Variants in FANCC observed in about 807,000 individuals in gnomAD.
FANCC encodes FA complementation group C.
Under a neutral mutation model 71.3 loss-of-function variants are expected in FANCC, and 55 were observed. That is an observed-to-expected ratio of 0.77 (90% CI 0.62 to 0.97). The LOEUF is 0.97. Ranked by LOEUF, FANCC falls within the 50% of genes least tolerant of loss-of-function variation. The pLI is 0.00. For synonymous variants in FANCC, 275 were observed against 244.9 expected (o/e 1.12, Z -1.15); for missense variants, 678 against 670.9 (o/e 1.01, Z -0.12).
At chr9:95,205,238 T>C (rs927289132) in intron 4 of FANCC, among the ~76,000 whole-genome samples, 3 of 152,106 alleles carry the variant, frequency 2.0e-5, no homozygotes, top group Non-Finnish European at 2.9e-5. Context: ...AATCAGCTTA[T>C]GTAAAAAAAG....
At chr9:95,125,275 C>CT (rs35978415) in intron 9 of FANCC, 90 bp from the exon 10 acceptor site, 8 of 1,022,888 alleles carry the variant, frequency 7.8e-6, no homozygotes, top group African/African-American at 1.6e-5. Context: ...AGTAGAAACA[C>CT]TTTTTTTGTG....
intron 4 of FANCC, among the ~76,000 whole-genome samples, chr9:95,239,365 G>A (rs1830506516): frequency 6.6e-6 from 1 of 152,070 alleles, no homozygotes; most frequent in Non-Finnish European, 1.5e-5. Flanking sequence ...TATTAAACAA[G>A]AAAAACAATA....
chr9:95,199,527 C>A (rs1564745806), intron 4 of FANCC, among the ~76,000 whole-genome samples: 1 of 152,216 alleles, frequency 6.6e-6, no homozygotes, highest in Non-Finnish European at 1.5e-5. Context: ...CACCCTTCTC[C>A]CAGGGCGTGG....
intron 1 of FANCC, among the ~76,000 whole-genome samples, chr9:95,314,454 C>A (rs547880313): frequency 2.0e-4 from 31 of 152,194 alleles, no homozygotes; most frequent in Non-Finnish European, 4.3e-4. Flanking sequence ...GAGTTTGAGA[C>A]CAGCCTGACC....
intron 8 of FANCC, among the ~76,000 whole-genome samples, chr9:95,132,554 T>C (rs556286378): frequency 1.3e-5 from 2 of 152,334 alleles, no homozygotes; most frequent in Admixed American, 1.3e-4. Flanking sequence ...CTAGGGCTAA[T>C]ACCTCACTTG....
intron 10 of FANCC, among the ~76,000 whole-genome samples, chr9:95,120,194 T>C (rs981550007): frequency 6.6e-6 from 1 of 152,240 alleles, no homozygotes; most frequent in African/African-American, 2.4e-5. Context: ...GTTGTGTGCT[T>C]TACAAGGTAA....
At chr9:95,230,982 G>A (rs1027820937) in intron 4 of FANCC, among the ~76,000 whole-genome samples, 1 of 152,120 alleles carries the variant, frequency 6.6e-6, no homozygotes, top group African/African-American at 2.4e-5. Flanking sequence ...ACAGAGCACC[G>A]ACTGGTGCGT....
intron 3 of FANCC, among the ~76,000 whole-genome samples, chr9:95,241,960 A>C (rs1830660107): frequency 6.6e-6 from 1 of 152,174 alleles, no homozygotes; most frequent in African/African-American, 2.4e-5. Context: ...GTGCCTGGCC[A>C]AAACCCAGCA....
chr9:95,300,984 C>A (rs990320965), intron 1 of FANCC, among the ~76,000 whole-genome samples: 2 of 152,018 alleles, frequency 1.3e-5, no homozygotes, highest in Non-Finnish European at 1.5e-5. Flanking sequence ...ACAAATACAG[C>A]ATGAGAGTGG....
At chr9:95,203,357 T>A (rs1588275063) in intron 4 of FANCC, among the ~76,000 whole-genome samples, 2 of 110,502 alleles carry the variant, frequency 1.8e-5, no homozygotes, top group Admixed American at 1.3e-4. Context: ...CGTGGCTGGG[T>A]GACAGAACAA....
intron 7 of FANCC, among the ~76,000 whole-genome samples, chr9:95,143,428 C>T (rs1016492031): frequency 2.6e-5 from 4 of 152,062 alleles, no homozygotes; most frequent in African/African-American, 4.8e-5. Context: ...GCCCCCATCC[C>T]GAGGCTATCT....
At chr9:95,182,948 T>A (rs1235191783) in intron 4 of FANCC, among the ~76,000 whole-genome samples, 4 of 151,962 alleles carry the variant, frequency 2.6e-5, no homozygotes. Context: ...TGTCACCCCC[T>A]AAGGCTCCCG....
chr9:95,225,403 A>G (rs1440804070), intron 4 of FANCC, among the ~76,000 whole-genome samples: 1 of 152,234 alleles, frequency 6.6e-6, no homozygotes, highest in Non-Finnish European at 1.5e-5. Flanking sequence ...TGGAACATAG[A>G]GACCTAAAAA....
In FANCC at chr9:95,206,823, T is replaced by G. The variant is rs1828152506; in HGVS notation, c.345+33826A>C. 2.0e-5 allele frequency among the ~76,000 whole-genome samples: 3 copies of G among 152,336 alleles called. No homozygotes were observed. The East Asian group carries it at 5.8e-4, about 29-fold the overall frequency. ...CTGTTTACCCCTAAACTTTTTTTTG[T>G]AACAAAAATTTGCTTTCCATTCTAA... On this transcript the variant is annotated intron_variant, in intron 4 of 14. Transcript: ENST00000289081.
rs200515307 is a variant in FANCC at position 95,107,053 on chromosome 9, C to T, written c.1533+13G>A. ...AAATGAGTACTAGGATGCTGGACCA[C>T]AGGGAGACTTACCAGGGTGATGACA... On this transcript the variant is annotated intron_variant, in intron 14 of 14. Transcript: ENST00000289081. The T allele has an allele frequency of 9.5e-5, 153 of 1,613,932 alleles. No individual in the cohort carries two copies. The highest frequency in any genetic ancestry group is 1.2e-4 in the Non-Finnish European group (147 of 1,179,920).
chr9:95,241,949 C>T (rs4647433), intron 3 of FANCC, among the ~76,000 whole-genome samples: 3,383 of 152,204 alleles, frequency 0.022, 132 homozygotes, highest in African/African-American at 0.077. Flanking sequence ...CATGAGCCAC[C>T]GTGCCTGGCC....
chr9:95,307,349 A>C lies in FANCC; in HGVS notation c.-79+10177T>G, dbSNP rs945957394. Among the ~76,000 whole-genome samples, 40 of 152,352 alleles carry C rather than the reference A, an allele frequency of 2.6e-4. No homozygotes were observed. In the East Asian group the frequency reaches 6.0e-3, roughly 23 times the overall value. ...CAAAAGAAGTAGTTAACAAAAAAAA[A>C]CCATGCTTATAAAACCAACGTATTT... On this transcript the variant is annotated intron_variant, in intron 1 of 14. Transcript: ENST00000289081.
Position 95,181,152 on chromosome 9 carries a change from G to A in FANCC, c.346-9005C>T, listed in dbSNP as rs867705135. Among the ~76,000 whole-genome samples, 60 of 98,712 alleles carry A rather than the reference G, an allele frequency of 6.1e-4. 3 individuals are homozygous for A. The South Asian group carries it at 0.022, about 36-fold the overall frequency. 64.8% of individuals were successfully genotyped at this position (98,712 alleles called of 152,430 possible). A position where few individuals can be genotyped will look rare whatever the true frequency, so the allele number is the denominator to read the frequency against. ...TATATACACATACACACACACACAC[G>A]TACACATTGTGTGTGTGTGTGTGTG... On this transcript the variant is annotated intron_variant, in intron 4 of 14. Coordinates refer to ENST00000289081, the MANE Select transcript of FANCC (RefSeq NM_000136.3).
At chr9:95,249,887 A>G (rs1339980067) in intron 1 of FANCC, among the ~76,000 whole-genome samples, 1 of 152,236 alleles carries the variant, frequency 6.6e-6, no homozygotes, top group Non-Finnish European at 1.5e-5. Flanking sequence ...TTTCTTAGAA[A>G]AAAGTAAAAT....
Sources: allele counts gnomAD v4.1 joint callset (sites outside exome capture counted in the v4.1 genomes callset), GRCh38; gene constraint gnomAD v4.1.1; transcripts MANE v1.5; gene names NCBI Gene and HGNC (gene_info 2026-07-23, HGNC 2026-07-21).